Variants in NLGN1 observed in about 807,000 individuals in gnomAD.
The protein encoded by NLGN1 is neuroligin 1.
A neutral mutation model predicts 65.5 loss-of-function variants in NLGN1; 12 were observed. The observed-to-expected ratio is 0.18, with a 90% CI of 0.12 to 0.30. The LOEUF is 0.30. NLGN1 is among the 10% of genes least tolerant of loss of function. NLGN1 has a pLI of 1.00. For missense variants in NLGN1, 750 were observed against 1,007.1 expected, an observed-to-expected ratio of 0.74 and a Z score of 3.46; for synonymous variants, 350 against 359.5, an observed-to-expected ratio of 0.97 and a Z score of 0.30.
chr3:173,425,254 G>A (rs534247907), intron 1 of NLGN1, among the ~76,000 whole-genome samples: 51 of 152,208 alleles, frequency 3.4e-4, no homozygotes, highest in African/African-American at 1.1e-3. Context: ...TACAATTCAC[G>A]ATGAGATTTG....
chr3:174,212,117 G>A (rs889181629), intron 4 of NLGN1, among the ~76,000 whole-genome samples: 4 of 152,202 alleles, frequency 2.6e-5, no homozygotes, highest in South Asian at 2.1e-4. Flanking sequence ...GCCCTGCCCC[G>A]CGGGAGGGCA....
chr3:173,909,225 TA>T (rs200714369), intron 4 of NLGN1, among the ~76,000 whole-genome samples: 1 of 150,812 alleles, frequency 6.6e-6, no homozygotes, highest in Non-Finnish European at 1.5e-5. Context: ...TCAGTTAAGA[TA>T]AAAAAAAAGC....
intron 4 of NLGN1, among the ~76,000 whole-genome samples, chr3:174,009,170 G>A (rs1725023407): frequency 6.6e-6 from 1 of 152,146 alleles, no homozygotes; most frequent in South Asian, 2.1e-4. Context: ...GAAGGAGCAA[G>A]CTCTCTTAAG....
At chr3:173,524,558 T>C (rs554481473) in intron 2 of NLGN1, among the ~76,000 whole-genome samples, 1 of 152,366 alleles carries the variant, frequency 6.6e-6, no homozygotes, top group Non-Finnish European at 1.5e-5. Context: ...CTTTTATTTC[T>C]TTCTCTTGCC....
intron 4 of NLGN1, among the ~76,000 whole-genome samples, chr3:173,931,700 G>A (rs1744117770): frequency 6.6e-6 from 1 of 152,158 alleles, no homozygotes; most frequent in South Asian, 2.1e-4. Context: ...TGCCTGGGTA[G>A]AAGGAAGGAA....
intron 4 of NLGN1, among the ~76,000 whole-genome samples, chr3:174,238,896 T>C (rs1276856196): frequency 6.6e-6 from 1 of 151,662 alleles, no homozygotes; most frequent in Non-Finnish European, 1.5e-5. Flanking sequence ...TAATTTTCTA[T>C]ACTTAAACAA....
At chr3:173,539,493 A>G (rs1430533583) in intron 2 of NLGN1, among the ~76,000 whole-genome samples, 2 of 144,298 alleles carry the variant, frequency 1.4e-5, no homozygotes, top group African/African-American at 2.5e-5. Context: ...ATGTATATGT[A>G]TGTATATGTA....
Position 173,604,456 on chromosome 3 carries a change from T to A in NLGN1, c.-143T>A. The A allele has an allele frequency of 1.2e-6, 1 of 815,610 alleles. No homozygotes were observed. Among genetic ancestry groups the A allele is most frequent in the Middle Eastern group, 2.4e-4 (1 of 4,116 alleles). 50.5% of individuals were successfully genotyped at this position (815,610 alleles called of 1,614,324 possible). A position where few individuals can be genotyped will look rare whatever the true frequency, so the allele number is the denominator to read the frequency against. Reference sequence around the variant, plus strand: ...TGAAATCAATGGGAGATATCTGCTGTCTGAAGATCTTTCAGAGCTTTTCTC... The same window carrying A: ...TGAAATCAATGGGAGATATCTGCTGACTGAAGATCTTTCAGAGCTTTTCTC... On this transcript the variant is annotated 5_prime_UTR_variant, in exon 3 of 7. It introduces an in-frame stop codon into an upstream open reading frame of the 5' UTR. Transcript: ENST00000457714.
intron 4 of NLGN1, among the ~76,000 whole-genome samples, chr3:173,895,174 C>A (rs1448971434): frequency 6.6e-6 from 1 of 152,074 alleles, no homozygotes; most frequent in Non-Finnish European, 1.5e-5. Context: ...ACTTTGTATC[C>A]TTCCAGCCTC....
chr3:173,779,965 A>G (rs1780876559), intron 3 of NLGN1, among the ~76,000 whole-genome samples: 1 of 152,048 alleles, frequency 6.6e-6, no homozygotes, highest in South Asian at 2.1e-4. Context: ...CAATTTTGTC[A>G]GTTGTCTTTG....
chr3:173,600,367 CTAATGG>C (rs1437932600), intron 2 of NLGN1, among the ~76,000 whole-genome samples: 2 of 152,034 alleles, frequency 1.3e-5, no homozygotes, highest in Admixed American at 1.3e-4. Flanking sequence ...CCAGGGAGCT[CTAATGG>C]TAACCATGCT....
chr3:173,804,871 G>A (rs937981524), intron 3 of NLGN1, among the ~76,000 whole-genome samples: 2 of 151,780 alleles, frequency 1.3e-5, no homozygotes, highest in Admixed American at 6.6e-5. Flanking sequence ...CACTAAAAAT[G>A]CAAAATTAGC....
At chr3:173,555,404 C>G (rs2149276816) in intron 2 of NLGN1, among the ~76,000 whole-genome samples, 1 of 152,252 alleles carries the variant, frequency 6.6e-6, no homozygotes, top group South Asian at 2.1e-4. Context: ...ACTGATGTGT[C>G]TAATCTTAGG....
chr3:173,683,674 C>G (rs1764283567), intron 3 of NLGN1, among the ~76,000 whole-genome samples: 1 of 152,110 alleles, frequency 6.6e-6, no homozygotes, highest in East Asian at 1.9e-4. Context: ...CAGAACCCAT[C>G]CACATAATTA....
chr3:174,155,430 G>T (rs2902012), intron 4 of NLGN1, among the ~76,000 whole-genome samples: 55,552 of 151,636 alleles, frequency 0.37, 11,900 homozygotes, highest in African/African-American at 0.59. Context: ...AGAGAAGATT[G>T]CAGAGATTAG....
chr3:173,801,438 C>T (rs1391667007), intron 3 of NLGN1, among the ~76,000 whole-genome samples: 3 of 151,782 alleles, frequency 2.0e-5, no homozygotes, highest in African/African-American at 7.3e-5. Context: ...AAAAGTTTTC[C>T]AAAATAAAAT....
intron 2 of NLGN1, among the ~76,000 whole-genome samples, chr3:173,577,535 C>T (rs1414433938): frequency 6.6e-6 from 1 of 152,078 alleles, no homozygotes; most frequent in African/African-American, 2.4e-5. Flanking sequence ...TTGTTTATCA[C>T]TAGGGAAGGT....
intron 4 of NLGN1, among the ~76,000 whole-genome samples, chr3:174,225,592 G>A (rs112149884): frequency 2.0e-5 from 3 of 152,138 alleles, no homozygotes; most frequent in African/African-American, 7.2e-5. Context: ...TTCTCTGGGC[G>A]TGGTGGCGGG....
At chr3:174,082,303 A>G (rs1270107136) in intron 4 of NLGN1, among the ~76,000 whole-genome samples, 1 of 152,100 alleles carries the variant, frequency 6.6e-6, no homozygotes, top group Non-Finnish European at 1.5e-5. Flanking sequence ...GCCCATCCTA[A>G]TGTTCTTTTA....
Sources: gnomAD v4.1 joint callset for allele counts (sites outside exome capture counted in the v4.1 genomes callset) on GRCh38, gnomAD v4.1.1 for gene constraint, MANE v1.5 for transcripts, NCBI Gene and HGNC (gene_info 2026-07-23, HGNC 2026-07-21) for gene names.